The following PIK3C2G variants were observed in gnomAD, a reference collection of about 807,000 sequenced individuals.
The protein encoded by PIK3C2G is phosphatidylinositol 3-kinase C2 domain-containing subunit gamma.
PIK3C2G carries 168 observed loss-of-function variants against 181.1 expected under a neutral mutation model. That is an observed-to-expected ratio of 0.93 (90% CI 0.82 to 1.05). The LOEUF (loss-of-function observed/expected upper bound fraction) is 1.05, where lower values mean the gene tolerates loss of function less well. PIK3C2G is among the 50% of genes least tolerant of loss of function. PIK3C2G has a pLI of 0.00. For missense variants in PIK3C2G, 1,869 were observed against 1,732.8 expected (o/e 1.08, Z -1.40); for synonymous variants, 573 against 592.2 (o/e 0.97, Z 0.47).
At position 18,391,159 on chromosome 12, in the gene PIK3C2G, C is replaced by G; in HGVS notation, c.2033C>G (p.Pro678Arg). Residue 678 changes from proline to arginine, a missense_variant, in exon 15 of 33, where the codon CCT becomes CGT. Transcript: ENST00000538779. ...FPATGWEYMK[P>R]DSEENRSNLE... is the part of the protein sequence containing the mutation. Reference sequence around the variant, plus strand: ...GCTACTGGGTGGGAGTATATGAAACCTGATTCTGAAGAGAATAGAAGTAAT... The same window carrying G: ...GCTACTGGGTGGGAGTATATGAAACGTGATTCTGAAGAGAATAGAAGTAAT... The G allele has an allele frequency of 6.2e-7, 1 of 1,607,788 alleles. No homozygotes were observed. Among genetic ancestry groups the G allele is most frequent in the Non-Finnish European group, 8.5e-7 (1 of 1,176,602 alleles).
intron 11 of PIK3C2G, among the ~76,000 whole-genome samples, chr12:18,357,721 A>T (rs533593726): frequency 1.1e-4 from 16 of 152,322 alleles, no homozygotes; most frequent in African/African-American, 3.8e-4. Flanking sequence ...CTACATGTGC[A>T]TTGTTGTATG....
At chr12:18,549,769 A>G (rs890414057) in intron 26 of PIK3C2G, among the ~76,000 whole-genome samples, 9 of 151,970 alleles carry the variant, frequency 5.9e-5, no homozygotes, top group South Asian at 4.1e-4. Flanking sequence ...TGGAACTGCT[A>G]TCTCTATGCT....
intron 11 of PIK3C2G, among the ~76,000 whole-genome samples, chr12:18,357,136 A>G (rs1940816866): frequency 6.6e-6 from 1 of 152,242 alleles, no homozygotes; most frequent in Non-Finnish European, 1.5e-5. Context: ...TCAAAATGTT[A>G]AGAACATTTT....
intron 1 of PIK3C2G, among the ~76,000 whole-genome samples, chr12:18,274,654 G>A (rs80204864): frequency 0.21 from 32,089 of 151,926 alleles, 3,570 homozygotes; most frequent in African/African-American, 0.28. Context: ...GGACTGTTGT[G>A]GGGTGGGGGC....
chr12:18,577,505 TA>T (rs919104973), intron 29 of PIK3C2G, among the ~76,000 whole-genome samples: 11 of 152,204 alleles, frequency 7.2e-5, no homozygotes, highest in African/African-American at 2.7e-4. Context: ...ACATTGTTTT[TA>T]TATTGAATTG....
the PIK3C2G span, among the ~76,000 whole-genome samples, chr12:18,697,334 G>T: frequency 6.6e-6 from 1 of 152,114 alleles, no homozygotes; most frequent in Non-Finnish European, 1.5e-5. Flanking sequence ...TTCCTTGAGA[G>T]AAAGTTTATT....
chr12:18,561,371 C>A (rs930064486), intron 26 of PIK3C2G, among the ~76,000 whole-genome samples: 6 of 152,104 alleles, frequency 3.9e-5, no homozygotes, highest in Non-Finnish European at 7.4e-5. Flanking sequence ...CCTAGCTACT[C>A]AGGAAGCTGA....
intron 18 of PIK3C2G, among the ~76,000 whole-genome samples, chr12:18,436,715 A>AT (rs1423364641): frequency 2.0e-5 from 3 of 151,954 alleles, no homozygotes; most frequent in Non-Finnish European, 4.4e-5. Flanking sequence ...CAAAAGATGT[A>AT]TTTTTCTCTT....
At chr12:18,613,623 G>A (rs1442345140) in intron 31 of PIK3C2G, among the ~76,000 whole-genome samples, 1 of 151,916 alleles carries the variant, frequency 6.6e-6, no homozygotes, top group Non-Finnish European at 1.5e-5. Context: ...TATAGATTGG[G>A]CTATCTGCAT....
chr12:18,303,115 C>CTTCTGTCTTTCTTTCTGTCT (rs1950253942), intron 5 of PIK3C2G, among the ~76,000 whole-genome samples: 3 of 136,604 alleles, frequency 2.2e-5, no homozygotes, highest in African/African-American at 8.3e-5. Flanking sequence ...TCTTTCTTTC[C>CTTCTGTCTTTCTTTCTGTCT]TTCTTTCTTT....
chr12:18,349,581 A>G (rs540172895), intron 11 of PIK3C2G, among the ~76,000 whole-genome samples: 19 of 152,292 alleles, frequency 1.2e-4, no homozygotes, highest in African/African-American at 4.3e-4. Context: ...TCCTTGATTC[A>G]TTACACTGAT....
At chr12:18,272,691 G>C (rs1200133084) in intron 1 of PIK3C2G, among the ~76,000 whole-genome samples, 1 of 123,226 alleles carries the variant, frequency 8.1e-6, no homozygotes, top group African/African-American at 2.8e-5. Flanking sequence ...TGAATTCATG[G>C]ATATAAACAT....
intron 30 of PIK3C2G, among the ~76,000 whole-genome samples, chr12:18,600,111 T>C (rs1947626751): frequency 6.6e-6 from 1 of 152,054 alleles, no homozygotes; most frequent in South Asian, 2.1e-4. Context: ...AAATGTATCT[T>C]CTCTTCAAAT....
chr12:18,659,134 A>C, the PIK3C2G span, among the ~76,000 whole-genome samples: 3 of 152,248 alleles, frequency 2.0e-5, no homozygotes, highest in Admixed American at 6.5e-5. Flanking sequence ...GGAGGAAGGT[A>C]AAAAATAAAC....
At position 18,295,503 on chromosome 12, in the gene PIK3C2G, G is replaced by A. The variant is rs182619096; in HGVS notation, c.1034+1488G>A. Among the ~76,000 whole-genome samples, 931 of 150,806 alleles carry A rather than the reference G, an allele frequency of 6.2e-3. 5 individuals carry two copies. Among genetic ancestry groups the A allele is most frequent in the Non-Finnish European group, 7.2e-3 (489 of 67,874 alleles). Reference sequence around the variant, plus strand: ...AATTGTATTAAAGAGACAGAAATTCGGAAAAGTATAATGTGGAGAAAATTT... The same window carrying A: ...AATTGTATTAAAGAGACAGAAATTCAGAAAAGTATAATGTGGAGAAAATTT... On this transcript the variant is annotated intron_variant, in intron 5 of 32. Coordinates refer to ENST00000538779, the MANE Select transcript of PIK3C2G (RefSeq NM_001288772.2).
At chr12:18,536,192 A>G (rs867838349) in intron 24 of PIK3C2G, among the ~76,000 whole-genome samples, 1 of 152,136 alleles carries the variant, frequency 6.6e-6, no homozygotes, top group Non-Finnish European at 1.5e-5. Context: ...AGTAAATTAA[A>G]TCTTGGAATA....
chr12:18,683,368 C>G, the PIK3C2G span: 2 of 1,578,032 alleles, frequency 1.3e-6, no homozygotes, highest in Non-Finnish European at 1.7e-6. Context: ...ACCAATTAAT[C>G]AGTGGTGTCT....
chr12:18,391,202 G>C lies in PIK3C2G; in HGVS notation c.2076G>C (p.Lys692Asn), dbSNP rs749456854. The change falls in exon 15 of 33, where the codon AAG (lysine) becomes AAC (asparagine). Residue 692 changes from lysine (K) to asparagine (N), a missense_variant. Physicochemically the swap from Lys to Asn is moderately conservative, Grantham distance 94 (BLOSUM62 0). Coordinates refer to ENST00000538779, the MANE Select transcript of PIK3C2G (RefSeq NM_001288772.2). ...GAAGTAATCTTGAAGAGCCACTAAA[G>C]GAGTGTATAAAACATATTGCCAGAC... ...ENRSNLEEPL[K>N]ECIKHIARLS... is the part of the protein sequence containing the mutation. 4.4e-6 allele frequency: 7 copies of C among 1,609,088 alleles called. No homozygotes were observed. The highest frequency in any genetic ancestry group is 5.9e-6 in the Non-Finnish European group (7 of 1,177,126).
chr12:18,565,664 G>C (rs1360192359), intron 28 of PIK3C2G, among the ~76,000 whole-genome samples: 1 of 152,134 alleles, frequency 6.6e-6, no homozygotes, highest in African/African-American at 2.4e-5. Flanking sequence ...TGCTGTATTT[G>C]ACATATAACT....
Sources: gnomAD v4.1 joint callset for allele counts (sites outside exome capture counted in the v4.1 genomes callset) on GRCh38, gnomAD v4.1.1 for gene constraint, MANE v1.5 for transcripts, NCBI Gene and HGNC (gene_info 2026-07-23, HGNC 2026-07-21) for gene names.